The following ZFP37 variants were observed in gnomAD, a reference collection of about 807,000 sequenced individuals.
ZFP37 encodes ZFP37 zinc finger protein.
In ZFP37, 38 loss-of-function variants were observed where a neutral mutation model predicts 52.1. The ratio of observed to expected loss-of-function variants is 0.73; its 90% confidence interval spans 0.56 to 0.96. The LOEUF (loss-of-function observed/expected upper bound fraction) is 0.96. ZFP37 is among the 40% of genes least tolerant of loss of function. The probability of loss-of-function intolerance (pLI) is 0.00; values close to 1 mark genes in which losing one functional copy is unlikely to be tolerated. For synonymous variants in ZFP37, 253 were observed against 259.5 expected (o/e 0.98, Z 0.24); for missense variants, 695 against 741.4 (o/e 0.94, Z 0.73).
rs1378081993 is a variant in ZFP37 at position 113,041,825 on chromosome 9, A to T, written c.*900T>A. The T allele has an allele frequency of 2.6e-5, 4 of 152,212 alleles. No homozygotes were observed. Among genetic ancestry groups the T allele is most frequent in the Non-Finnish European group, 4.4e-5 (3 of 68,038 alleles). The allele number at this position is 152,212 out of a possible 1,614,324, so 9.4% of individuals were successfully genotyped here. A position where few individuals can be genotyped will look rare whatever the true frequency, so the allele number is the denominator to read the frequency against. The stretch of plus-strand genomic sequence containing the variant: ...AACCTTAAATAATGTTGATTTATGC[A>T]TATTAAAATATTTTAATTATAAAAA... On this transcript the variant is annotated 3_prime_UTR_variant, in exon 4 of 4. Coordinates refer to ENST00000374227, the MANE Select transcript of ZFP37 (RefSeq NM_003408.3).
chr9:113,046,681 A>G (rs1828963702), intron 3 of ZFP37, among the ~76,000 whole-genome samples: 1 of 152,216 alleles, frequency 6.6e-6, no homozygotes, highest in Non-Finnish European at 1.5e-5. Context: ...CCTGAATTTG[A>G]GACAGTAACT....
rs141709972 is a variant in ZFP37 at position 113,055,594 on chromosome 9, A to T, written c.132+963T>A. ...AATGCTCATCTTACAGACTGTTCCT[A>T]CTGTTCCTGCAAGTTTTCAATCACT... is the stretch of plus-strand genomic sequence containing the variant. On this transcript the variant is annotated intron_variant, in intron 1 of 3. Transcript: ENST00000374227. Among the ~76,000 whole-genome samples, 6 of 152,236 alleles carry T rather than the reference A, an allele frequency of 3.9e-5. No individual in the cohort carries two copies. The East Asian group carries it at 9.7e-4, about 25-fold the overall frequency.
At chr9:113,044,899 A>G (rs1828924923) in intron 3 of ZFP37, among the ~76,000 whole-genome samples, 1 of 152,020 alleles carries the variant, frequency 6.6e-6, no homozygotes, top group Admixed American at 6.5e-5. Flanking sequence ...CGAGAAGCAG[A>G]GACATAAGAA....
In ZFP37 at chr9:113,043,241, T is replaced by G; in HGVS notation, c.1377A>C (p.Lys459Asn). 1 of 1,613,952 alleles carries G rather than the reference T, an allele frequency of 6.2e-7. No individual in the cohort carries two copies. The highest frequency in any genetic ancestry group is 8.5e-7 in the Non-Finnish European group (1 of 1,179,960). The change falls in exon 4 of 4, where the codon AAA (lysine) becomes AAC (asparagine). Residue 459 changes from lysine to asparagine, a missense_variant. This residue lies in a region of ZFP37 where 326 missense variants were observed against 400.5 expected (regional missense o/e 0.81). Coordinates refer to ENST00000374227, the MANE Select transcript of ZFP37 (RefSeq NM_003408.3). ...TCCCACATTCATTACATTCAAAGGG[T>G]TTCTCACCTGTATGAATTCTCATGT... ...TKHMRIHTGE[K>N]PFECNECGKA...
intron 3 of ZFP37, among the ~76,000 whole-genome samples, chr9:113,044,472 T>C (rs1335579837): frequency 6.6e-6 from 1 of 152,158 alleles, no homozygotes; most frequent in Non-Finnish European, 1.5e-5. Context: ...ATAGTGATTT[T>C]TTAAAGTTTT....
chr9:113,049,416 T>C lies in ZFP37; in HGVS notation c.295A>G (p.Ser99Gly), dbSNP rs757482348. ...APWLGKGKRP[S>G]QGCPSKIARP... is the part of the protein sequence containing the mutation. ...GCTATTTTACTTGGACAACCTTGAC[T>C]GGGTCTTTTCCCCTTCCCCAACCAT... The change falls in exon 3 of 4, where the codon AGT becomes GGT. Residue 99 changes from serine to glycine, a missense_variant. This residue lies in a region of ZFP37 where 369 missense variants were observed against 340.9 expected (regional missense o/e 1.08). Coordinates refer to ENST00000374227, the MANE Select transcript of ZFP37 (RefSeq NM_003408.3). 1 of 1,614,194 alleles carries C rather than the reference T, an allele frequency of 6.2e-7. No individual in the cohort carries two copies. The highest frequency in any genetic ancestry group is 8.5e-7 in the Non-Finnish European group (1 of 1,180,006).
chr9:113,049,511 T>A lies in ZFP37; in HGVS notation c.215-15A>T. On this transcript the variant is annotated splice_polypyrimidine_tract_variant and intron_variant, in intron 2 of 3. Coordinates refer to ENST00000374227, the MANE Select transcript of ZFP37 (RefSeq NM_003408.3). Reference sequence around the variant, plus strand: ...AGCTTGACACCCTGCTCATGAGAAATAGCAGAAACTGAGTGTTAGAACAAC... The same window carrying A: ...AGCTTGACACCCTGCTCATGAGAAAAAGCAGAAACTGAGTGTTAGAACAAC... 2 of 1,607,624 alleles carry A rather than the reference T, an allele frequency of 1.2e-6. No individual in the cohort carries two copies. Among genetic ancestry groups the A allele is most frequent in the South Asian group, 2.2e-5 (2 of 90,320 alleles).
Position 113,043,367 on chromosome 9 carries a change from G to A in ZFP37, c.1251C>T (p.Asn417=). 1.9e-6 allele frequency: 3 copies of A among 1,614,098 alleles called. No homozygotes were observed. The highest frequency in any genetic ancestry group is 2.2e-5 in the East Asian group (1 of 44,864). Residue 417 remains asparagine (N), a synonymous_variant, in exon 4 of 4, where the codon AAC becomes AAT. Coordinates refer to ENST00000374227, the MANE Select transcript of ZFP37 (RefSeq NM_003408.3). ...CKECGKSFRY[N]SSLTEHVRTH... The stretch of plus-strand genomic sequence containing the variant: ...TTCTCACATGTTCGGTAAGAGATGA[G>A]TTATACCTAAAAGACTTCCCACATT...
At chr9:113,046,779 AC>A (rs953948786) in intron 3 of ZFP37, among the ~76,000 whole-genome samples, 57 of 152,332 alleles carry the variant, frequency 3.7e-4, no homozygotes, top group African/African-American at 1.4e-3. Context: ...AGAGAATAGA[AC>A]AGTCCTTCTT....
rs975586009 is a variant in ZFP37 at position 113,038,392 on chromosome 9, T to G, written c.*4333A>C. ...AATGTGCATATAGTTTTGTAAACTG[T>G]TTTTTATTTAGTATTTTAGATGCTA... On this transcript the variant is annotated 3_prime_UTR_variant, in exon 4 of 4. Transcript: ENST00000374227. 9.9e-5 allele frequency: 15 copies of G among 152,078 alleles called. No individual in the cohort carries two copies. Among genetic ancestry groups the G allele is most frequent in the Admixed American group, 5.9e-4 (9 of 15,254 alleles). The allele number at this position is 152,078 out of a possible 1,614,324, so 9.4% of individuals were successfully genotyped here.
rs1262676525 is a variant in ZFP37, at chr9:113,039,397, C to T, written c.*3328G>A. 2 of 151,974 alleles carry T rather than the reference C, an allele frequency of 1.3e-5. No homozygotes were observed. The highest frequency in any genetic ancestry group is 2.4e-5 in the African/African-American group (1 of 41,378). The allele number at this position is 151,974 out of a possible 1,614,324, so 9.4% of individuals were successfully genotyped here. On this transcript the variant is annotated 3_prime_UTR_variant, in exon 4 of 4. Transcript: ENST00000374227. ...TTTAACATCTTTCTCTTCCCACACC[C>T]TCAGATTCTAAAAGATATATCCCTG...
At chr9:113,049,720 A>G (rs1173887868) in intron 2 of ZFP37, 71 bp downstream of exon 2, 1 of 1,567,572 alleles carries the variant, frequency 6.4e-7, no homozygotes, top group African/African-American at 1.4e-5. Flanking sequence ...ATGAAGGCCA[A>G]ACTTATCAAG....
At position 113,049,888 on chromosome 9, in the gene ZFP37, C is replaced by T; in HGVS notation, c.133-16G>A. On this transcript the variant is annotated splice_polypyrimidine_tract_variant and intron_variant, in intron 1 of 3. Transcript: ENST00000374227. ...GCTTCCATTCCTTCTGGGTAAAGGC[C>T]ATAGTCACATGTTTGAATGTTACTG... 2 of 1,613,960 alleles carry T rather than the reference C, an allele frequency of 1.2e-6. 1 individual carries two copies. Among genetic ancestry groups the T allele is most frequent in the Non-Finnish European group, 1.7e-6 (2 of 1,179,922 alleles).
rs76184376 is a variant in ZFP37 at position 113,054,675 on chromosome 9, C to T, written c.132+1882G>A. Among the ~76,000 whole-genome samples, 860 of 152,284 alleles carry T rather than the reference C, an allele frequency of 5.6e-3. 9 individuals carry two copies. Among genetic ancestry groups the T allele is most frequent in the African/African-American group, 0.019 (791 of 41,540 alleles). ...TCAGAAAATAGAATCACCATCCATC[C>T]GGTTCTTCAGGTTAAAAGTCTAGAT... On this transcript the variant is annotated intron_variant, in intron 1 of 3. Coordinates refer to ENST00000374227, the MANE Select transcript of ZFP37 (RefSeq NM_003408.3).
chr9:113,040,969 T>C lies in ZFP37; in HGVS notation c.*1756A>G, dbSNP rs1160360838. The C allele has an allele frequency of 6.6e-6, 1 of 152,176 alleles. No individual in the cohort carries two copies. The highest frequency in any genetic ancestry group is 1.5e-5 in the Non-Finnish European group (1 of 68,038). 9.4% of individuals were successfully genotyped at this position (152,176 alleles called of 1,614,324 possible). On this transcript the variant is annotated 3_prime_UTR_variant, in exon 4 of 4. Coordinates refer to ENST00000374227, the MANE Select transcript of ZFP37 (RefSeq NM_003408.3). ...TGTGCATTTTTTGTATTTCTTTTTT[T>C]TGAGACAGAGCCTCACTCTGCTGCC...
At position 113,043,072 on chromosome 9, in the gene ZFP37, G is replaced by T. The variant is rs1288562209; in HGVS notation, c.1546C>A (p.Pro516Thr). 6.2e-7 allele frequency: 1 copy of T among 1,613,420 alleles called. No individual in the cohort carries two copies. The highest frequency in any genetic ancestry group is 2.2e-5 in the East Asian group (1 of 44,870). Residue 516 changes from proline to threonine, a missense_variant, in exon 4 of 4, where the codon CCC (proline) becomes ACC (threonine). Pro to Thr is a conservative substitution (Grantham distance 38). Coordinates refer to ENST00000374227, the MANE Select transcript of ZFP37 (RefSeq NM_003408.3). ...YHMRTHTGES[P>T]FECNQCGKGF... is the part of the protein sequence containing the mutation. Reference sequence around the variant, plus strand: ...TTCCCACATTGATTACATTCAAAGGGACTTTCACCTGTATGAGTTCTCATA... The same window carrying T: ...TTCCCACATTGATTACATTCAAAGGTACTTTCACCTGTATGAGTTCTCATA...
intron 1 of ZFP37, among the ~76,000 whole-genome samples, chr9:113,054,578 G>A (rs1829109920): frequency 6.6e-6 from 1 of 152,084 alleles, no homozygotes; most frequent in Non-Finnish European, 1.5e-5. Flanking sequence ...GGCCAAAATA[G>A]AGCCACTGAC....
Position 113,049,417 on chromosome 9 carries a change from G to T in ZFP37, c.294C>A (p.Pro98=), listed in dbSNP as rs1328852437. The change falls in exon 3 of 4, where the codon CCC becomes CCA. Residue 98 remains proline (P), a synonymous_variant. Transcript: ENST00000374227. ...CTATTTTACTTGGACAACCTTGACTGGGTCTTTTCCCCTTCCCCAACCATG... is the reference window on the plus strand; with the variant it reads ...CTATTTTACTTGGACAACCTTGACTTGGTCTTTTCCCCTTCCCCAACCATG... ...EAPWLGKGKR[P]SQGCPSKIAR... The T allele has an allele frequency of 1.3e-5, 21 of 1,613,976 alleles. No individual in the cohort carries two copies. The highest frequency in any genetic ancestry group is 3.3e-5 in the Admixed American group (2 of 59,984).
At chr9:113,045,368 T>G (rs1828932465) in intron 3 of ZFP37, among the ~76,000 whole-genome samples, 1 of 152,216 alleles carries the variant, frequency 6.6e-6, no homozygotes, top group Non-Finnish European at 1.5e-5. Context: ...ATGATAAAAT[T>G]CATAGTAATT....
Sources: gnomAD v4.1 joint callset for allele counts (sites outside exome capture counted in the v4.1 genomes callset) on GRCh38, gnomAD v4.1.1 for gene constraint, gnomAD v4.1.1 regional missense constraint, MANE v1.5 for transcripts, NCBI Gene and HGNC (gene_info 2026-07-23, HGNC 2026-07-21) for gene names.